DNAH8: variants seen among roughly 807,000 people sequenced by gnomAD.
The protein encoded by DNAH8 is dynein axonemal heavy chain 8, also known as axonemal beta dynein heavy chain 8.
A neutral mutation model predicts 562.1 loss-of-function variants in DNAH8; 382 were observed. The observed-to-expected ratio is 0.68, with a 90% CI of 0.63 to 0.74. DNAH8 has a LOEUF of 0.74. DNAH8 is among the 30% of genes least tolerant of loss of function. The pLI is 0.00. For synonymous variants in DNAH8, 1,881 were observed against 1,919.4 expected (o/e 0.98, Z 0.52); for missense variants, 5,203 against 5,620.4 (o/e 0.93, Z 2.37).
At chr6:38,875,190 G>A (rs1455834860) in intron 52 of DNAH8, among the ~76,000 whole-genome samples, 1 of 152,228 alleles carries the variant, frequency 6.6e-6, no homozygotes, top group Non-Finnish European at 1.5e-5. Context: ...AGTTTGCTAA[G>A]TCCTGCAAAA....
intron 78 of DNAH8, 67 bp from the exon 79 acceptor site, chr6:38,938,730 CT>C (rs1783185085): frequency 3.4e-6 from 4 of 1,160,158 alleles, no homozygotes; most frequent in Non-Finnish European, 4.9e-6. Context: ...ATGTGTACCC[CT>C]GAACTTGAAA....
At chr6:38,872,270 A>C (rs1312488598) in intron 49 of DNAH8, among the ~76,000 whole-genome samples, 1 of 152,222 alleles carries the variant, frequency 6.6e-6, no homozygotes, top group Non-Finnish European at 1.5e-5. Context: ...ATCATCACGC[A>C]AGAAGCAAAA....
intron 37 of DNAH8, 92 bp from the exon 38 acceptor site, chr6:38,850,159 T>G (rs1583178899): frequency 1.3e-4 from 162 of 1,248,614 alleles, no homozygotes; most frequent in East Asian, 2.4e-5. Flanking sequence ...TAGAGGCTGG[T>G]TTGAAGAACT....
intron 91 of DNAH8, among the ~76,000 whole-genome samples, chr6:39,021,380 T>C (rs780961771): frequency 5.9e-5 from 9 of 152,178 alleles, no homozygotes; most frequent in Non-Finnish European, 1.0e-4. Context: ...AGTCTGAGAA[T>C]CCCTGCCTTA....
At chr6:38,878,008 G>T (rs1310893185) in intron 53 of DNAH8, among the ~76,000 whole-genome samples, 4 of 152,186 alleles carry the variant, frequency 2.6e-5, no homozygotes, top group Non-Finnish European at 4.4e-5. Flanking sequence ...AAATGAGAAG[G>T]CAGAGGTTGA....
intron 24 of DNAH8, among the ~76,000 whole-genome samples, chr6:38,812,253 A>G (rs893986976): frequency 1.3e-5 from 2 of 151,798 alleles, no homozygotes; most frequent in Non-Finnish European, 2.9e-5. Flanking sequence ...CTCCATTTCT[A>G]CTTCATGGAG....
intron 82 of DNAH8, among the ~76,000 whole-genome samples, chr6:38,957,866 C>CAAAAAAAAAAAAAA (rs1209427701): frequency 1.4e-4 from 11 of 75,908 alleles, no homozygotes; most frequent in Non-Finnish European, 2.2e-4. Flanking sequence ...ATGCCTACAC[C>CAAAAAAAAAAAAAA]AAAAAAAAAA....
chr6:38,862,412 T>G lies in DNAH8; in HGVS notation c.6264T>G (p.Asn2088Lys), dbSNP rs1182174649. 1.9e-6 allele frequency: 3 copies of G among 1,614,134 alleles called. No homozygotes were observed. In the Admixed American group the frequency reaches 5.0e-5, roughly 27 times the overall value. ...TGGGAAAATATGTGGTCGTGTTCAA[T>G]TGCTCAGATCAAATGGATTTCAGAG... ...RCLGKYVVVFNCSDQMDFRGL... is the reference protein window; with the variant it reads ...RCLGKYVVVFKCSDQMDFRGL... The change falls in exon 44 of 93, where the codon AAT becomes AAG. Residue 2088 changes from asparagine (N) to lysine (K), a missense_variant. Physicochemically the swap from Asn to Lys is moderately conservative, Grantham distance 94 (BLOSUM62 0). Around this residue, in one of 6 missense-constraint regions of DNAH8, gnomAD observed 2,176 missense variants for 2,365.1 expected, o/e 0.92. Transcript: ENST00000327475.
At chr6:38,877,281 T>A (rs1319488839) in intron 53 of DNAH8, among the ~76,000 whole-genome samples, 1 of 152,172 alleles carries the variant, frequency 6.6e-6, no homozygotes, top group African/African-American at 2.4e-5. Flanking sequence ...AATAAAATAA[T>A]TACCTTCCTC....
At chr6:38,779,427 G>T (rs185210600) in intron 14 of DNAH8, among the ~76,000 whole-genome samples, 1 of 152,100 alleles carries the variant, frequency 6.6e-6, no homozygotes, top group Admixed American at 6.5e-5. Flanking sequence ...GTAGTATGCT[G>T]ATGTCAATTC....
intron 63 of DNAH8, among the ~76,000 whole-genome samples, chr6:38,906,666 A>G (rs530047296): frequency 2.6e-5 from 4 of 152,140 alleles, no homozygotes; most frequent in Non-Finnish European, 4.4e-5. Flanking sequence ...TTATTTTAGG[A>G]GAAGCAAAGT....
In DNAH8 at chr6:38,842,881, T is replaced by G. The variant is rs372329730; in HGVS notation, c.4823T>G (p.Leu1608Arg). The G allele has an allele frequency of 1.7e-5, 28 of 1,613,598 alleles. No individual in the cohort carries two copies. Among genetic ancestry groups the G allele is most frequent in the South Asian group, 4.4e-5 (4 of 91,070 alleles). Residue 1608 changes from leucine (L) to arginine (R), a missense_variant, in exon 35 of 93, where the codon CTT (leucine) becomes CGT (arginine). Leu to Arg is a moderately radical substitution (Grantham distance 102). This residue lies in a region of DNAH8 where 2,176 missense variants were observed against 2,365.1 expected (regional missense o/e 0.92). Coordinates refer to ENST00000327475, the MANE Select transcript of DNAH8 (RefSeq NM_001206927.2). ...CLRNIMEAPLLKHKDDIEDIC... is the reference protein window; with the variant it reads ...CLRNIMEAPLRKHKDDIEDIC... ...AGAAATATCATGGAAGCACCACTCC[T>G]TAAACATAAGGATGATATTGAGGTA...
intron 18 of DNAH8, among the ~76,000 whole-genome samples, chr6:38,789,149 A>C (rs9380775): frequency 0.33 from 50,815 of 152,126 alleles, 8,859 homozygotes; most frequent in South Asian, 0.41. Context: ...AGCCAGTGTC[A>C]AGTAGAAATA....
At position 38,776,867 on chromosome 6, in the gene DNAH8, G is replaced by A. The variant is rs375973357; in HGVS notation, c.1962+916G>A. ...TTAACTGAAACTACTGTTAACCTAC[G>A]TTTAGCCCAAGGGAATGGTTTCCTC... On this transcript the variant is annotated intron_variant, in intron 13 of 92. Coordinates refer to ENST00000327475, the MANE Select transcript of DNAH8 (RefSeq NM_001206927.2). Among the ~76,000 whole-genome samples the A allele has an allele frequency of 2.0e-4, 31 of 152,236 alleles. No homozygotes were observed. In the South Asian group the frequency reaches 6.2e-3, roughly 31 times the overall value.
intron 32 of DNAH8, among the ~76,000 whole-genome samples, chr6:38,837,303 A>G (rs1270500512): frequency 6.6e-6 from 1 of 152,160 alleles, no homozygotes; most frequent in Non-Finnish European, 1.5e-5. Context: ...AATATGCTGT[A>G]CCACTTACAC....
intron 25 of DNAH8, among the ~76,000 whole-genome samples, chr6:38,814,828 C>T (rs1395852255): frequency 6.6e-6 from 1 of 152,116 alleles, no homozygotes; most frequent in East Asian, 1.9e-4. Flanking sequence ...GAGCCTGTGC[C>T]CTGAGCATCT....
At chr6:38,769,655 T>C (rs1047698127) in intron 11 of DNAH8, among the ~76,000 whole-genome samples, 2 of 152,166 alleles carry the variant, frequency 1.3e-5, no homozygotes, top group East Asian at 1.9e-4. Flanking sequence ...ATGTTACATA[T>C]GGCAAGGGGT....
intron 88 of DNAH8, among the ~76,000 whole-genome samples, chr6:39,001,623 G>C (rs746520977): frequency 6.6e-5 from 10 of 152,270 alleles, no homozygotes; most frequent in Non-Finnish European, 1.3e-4. Flanking sequence ...ACAGGGTAGA[G>C]TGTGGGAAGA....
At chr6:38,925,246 T>C (rs368984303) in intron 73 of DNAH8, among the ~76,000 whole-genome samples, 1 of 152,112 alleles carries the variant, frequency 6.6e-6, no homozygotes, top group African/African-American at 2.4e-5. Flanking sequence ...CCTGGGATAA[T>C]TTAACAAAGG....
Sources: gnomAD v4.1 joint callset for allele counts (sites outside exome capture counted in the v4.1 genomes callset) on GRCh38, gnomAD v4.1.1 for gene constraint, gnomAD v4.1.1 regional missense constraint, MANE v1.5 for transcripts, NCBI Gene and HGNC (gene_info 2026-07-23, HGNC 2026-07-21) for gene names.